The following SRSF12 variants were observed in gnomAD, a reference collection of about 807,000 sequenced individuals.
SRSF12 encodes serine/arginine-rich splicing factor 12.
SRSF12 carries 21 observed loss-of-function variants against 34.1 expected under a neutral mutation model. The ratio of observed to expected loss-of-function variants is 0.62; its 90% CI spans 0.44 to 0.89. The LOEUF (loss-of-function observed/expected upper bound fraction) is 0.89. Ranked by LOEUF, SRSF12 falls within the 40% of genes least tolerant of loss-of-function variation. The pLI is 0.00. For synonymous variants in SRSF12, 111 were observed against 110.8 expected, an observed-to-expected ratio of 1.00 and a Z score of -0.01; for missense variants, 278 against 327.8, an observed-to-expected ratio of 0.85 and a Z score of 1.17.
chr6:89,099,445 T>TATATATGTGTATATATATACAC (rs1562192036), intron 4 of SRSF12, among the ~76,000 whole-genome samples: 1 of 91,332 alleles, frequency 1.1e-5, no homozygotes, highest in East Asian at 1.1e-3. Flanking sequence ...TATATACACA[T>TATATATGTGTATATATATACAC]ATATATGTGT....
Position 89,117,976 on chromosome 6 carries a change from G to A in SRSF12, c.-89C>T, listed in dbSNP as rs1046024183. 8 of 1,397,514 alleles carry A rather than the reference G, an allele frequency of 5.7e-6. No homozygotes were observed. Among genetic ancestry groups the A allele is most frequent in the African/African-American group, 3.0e-5 (2 of 66,130 alleles). The allele number at this position is 1,397,514 out of a possible 1,614,324, so 86.6% of individuals were successfully genotyped here. A position where few individuals can be genotyped will look rare whatever the true frequency, so the allele number is the denominator to read the frequency against. ...CCGCTGCTACCACCACAGGAGCTCC[G>A]CCGGCCCCCGGCGCGACCCCCACCC... On this transcript the variant is annotated 5_prime_UTR_variant, in exon 1 of 5. Transcript: ENST00000452027.
At position 89,098,639 on chromosome 6, in the gene SRSF12, T is replaced by G; in HGVS notation, c.725A>C (p.Lys242Thr). Residue 242 changes from lysine (K) to threonine (T), a missense_variant, in exon 5 of 5, where the codon AAG becomes ACG. Coordinates refer to ENST00000452027, the MANE Select transcript of SRSF12 (RefSeq NM_080743.5). ...TNSETKVQTA[K>T]HSHFRSHSRS... ...GGAATGTGACCGAAAATGAGAATGC[T>G]TTGCTGTTTGTACTTTAGTTTCAGA... is the stretch of plus-strand genomic sequence containing the variant. 1 of 1,614,008 alleles carries G rather than the reference T, an allele frequency of 6.2e-7. No homozygotes were observed. Among genetic ancestry groups the G allele is most frequent in the Non-Finnish European group, 8.5e-7 (1 of 1,179,876 alleles).
chr6:89,114,243 CAT>C (rs1769187322), intron 1 of SRSF12, among the ~76,000 whole-genome samples: 1 of 152,166 alleles, frequency 6.6e-6, no homozygotes, highest in Non-Finnish European at 1.5e-5. Context: ...GCCTGGCCAA[CAT>C]GATGAAACCC....
intron 1 of SRSF12, among the ~76,000 whole-genome samples, chr6:89,117,609 G>C (rs1243304199): frequency 1.3e-5 from 2 of 152,022 alleles, no homozygotes; most frequent in African/African-American, 2.4e-5. Context: ...GCGGCGCCGG[G>C]GCTGAAAGCT....
intron 4 of SRSF12, among the ~76,000 whole-genome samples, chr6:89,099,763 G>A (rs1030114524): frequency 1.3e-5 from 2 of 151,982 alleles, no homozygotes; most frequent in African/African-American, 2.4e-5. Context: ...TCAATCTCCC[G>A]ACCTCAGGTT....
chr6:89,115,631 C>CTTT (rs760005395), intron 1 of SRSF12, among the ~76,000 whole-genome samples: 26 of 128,990 alleles, frequency 2.0e-4, no homozygotes, highest in East Asian at 4.4e-4. Flanking sequence ...TTTTTTCTTT[C>CTTT]TTTTTTTTTT....
chr6:89,101,646 C>T (rs1267054497), intron 4 of SRSF12, among the ~76,000 whole-genome samples: 1 of 151,730 alleles, frequency 6.6e-6, no homozygotes, highest in Non-Finnish European at 1.5e-5. Context: ...TGTAGTGAGC[C>T]GAGATTGTGC....
intron 1 of SRSF12, among the ~76,000 whole-genome samples, chr6:89,117,002 G>A (rs933621306): frequency 5.9e-5 from 9 of 151,428 alleles, no homozygotes; most frequent in African/African-American, 2.2e-4. Context: ...GAAGCCCAGT[G>A]AAATGAGAAT....
intron 1 of SRSF12, among the ~76,000 whole-genome samples, chr6:89,116,738 G>A (rs1769312190): frequency 6.7e-6 from 1 of 149,574 alleles, no homozygotes; most frequent in Admixed American, 6.7e-5. Context: ...TCGGGCCATT[G>A]TACTCCAGCC....
chr6:89,108,697 G>C (rs939618836), intron 1 of SRSF12, among the ~76,000 whole-genome samples: 1 of 152,196 alleles, frequency 6.6e-6, no homozygotes, highest in African/African-American at 2.4e-5. Flanking sequence ...AGAGGCAAAA[G>C]AAGCAACTTT....
chr6:89,105,042 T>G, intron 4 of SRSF12, 77 bp downstream of exon 4: 5 of 1,361,712 alleles, frequency 3.7e-6, no homozygotes, highest in Non-Finnish European at 4.9e-6. Flanking sequence ...TGGGAAACAA[T>G]GAGACCCTAT....
chr6:89,115,185 C>T (rs1179350844), intron 1 of SRSF12, among the ~76,000 whole-genome samples: 1 of 151,956 alleles, frequency 6.6e-6, no homozygotes, highest in African/African-American at 2.4e-5. Flanking sequence ...GTAACCTTGA[C>T]CTCCCGGGCT....
chr6:89,106,402 C>T (rs56061794), intron 2 of SRSF12, among the ~76,000 whole-genome samples: 9,554 of 152,100 alleles, frequency 0.063, 868 homozygotes, highest in African/African-American at 0.2. Context: ...CATGAGCCAC[C>T]GCACCCAGCC....
chr6:89,107,296 A>G, intron 1 of SRSF12, 38 bp from the exon 2 acceptor site: 1 of 1,506,646 alleles, frequency 6.6e-7, no homozygotes, highest in Non-Finnish European at 9.2e-7. Context: ...AAATATGAAT[A>G]GCTGGATTAA....
rs1377290324 is a variant in SRSF12, at chr6:89,117,855, G to C, written c.33C>G (p.Ser11=). 1.3e-6 allele frequency: 2 copies of C among 1,562,012 alleles called. No individual in the cohort carries two copies. The highest frequency in any genetic ancestry group is 3.7e-5 in the Admixed American group (2 of 53,474). The change falls in exon 1 of 5, where the codon TCC becomes TCG. Residue 11 remains serine, a synonymous_variant. Transcript: ENST00000452027. ...CGTCCGCGACGTTCCTGATGAACAG[G>C]GAGGTGTTGGGGGGCCTCGTGTAGC... is the stretch of plus-strand genomic sequence containing the variant. MSRYTRPPNT[S]LFIRNVADAT...
chr6:89,113,498 G>A (rs1314071993), intron 1 of SRSF12, among the ~76,000 whole-genome samples: 4 of 151,834 alleles, frequency 2.6e-5, no homozygotes, highest in Non-Finnish European at 5.9e-5. Flanking sequence ...TAGTAGAGAT[G>A]GAGCTTCACT....
intron 4 of SRSF12, among the ~76,000 whole-genome samples, 180 bp downstream of exon 4, chr6:89,104,938 AC>A (rs1768716695): frequency 6.6e-6 from 1 of 151,872 alleles, no homozygotes; most frequent in Non-Finnish European, 1.5e-5. Context: ...CACCTGTAGT[AC>A]CCGCTACTTG....
intron 4 of SRSF12, among the ~76,000 whole-genome samples, chr6:89,099,700 T>C (rs1021273905): frequency 6.6e-6 from 1 of 151,976 alleles, no homozygotes; most frequent in Non-Finnish European, 1.5e-5. Flanking sequence ...CACGCCCAGC[T>C]AACTTTGTAT....
rs901838754 is a variant in SRSF12 at position 89,098,455 on chromosome 6, C to T, written c.*123G>A. ...TCCAAAGCTAGAGATTTTATTTCTT[C>T]CATATGCCCAAAGTAACTAATATCA... On this transcript the variant is annotated 3_prime_UTR_variant, in exon 5 of 5. Transcript: ENST00000452027. The T allele has an allele frequency of 4.5e-5, 56 of 1,232,626 alleles. No individual in the cohort carries two copies. In the African/African-American group the frequency reaches 8.0e-4, roughly 18 times the overall value. 76.4% of individuals were successfully genotyped at this position (1,232,626 alleles called of 1,614,324 possible).
Sources: allele counts gnomAD v4.1 joint callset (sites outside exome capture counted in the v4.1 genomes callset), GRCh38; gene constraint gnomAD v4.1.1; transcripts MANE v1.5; gene names NCBI Gene and HGNC (gene_info 2026-07-23, HGNC 2026-07-21).